Variants in POLR2C observed in about 807,000 individuals in gnomAD.
POLR2C encodes RNA polymerase II subunit C, also known as DNA-directed RNA polymerase II subunit RPB3.
Under a neutral mutation model 41.7 loss-of-function variants are expected in POLR2C, and 36 were observed. That is an observed-to-expected ratio of 0.86 (90% CI 0.66 to 1.14). POLR2C has a LOEUF of 1.14. Among genes scored for constraint, POLR2C ranks in the 50% most tolerant of loss-of-function variants. POLR2C has a pLI of 0.00. For missense variants in POLR2C, 260 were observed against 350.4 expected (o/e 0.74, Z 2.06); for synonymous variants, 133 against 137.8 (o/e 0.96, Z 0.25).
chr16:57,464,441 T>G lies in POLR2C; in HGVS notation c.136+1363T>G, dbSNP rs909271240. Among the ~76,000 whole-genome samples, 15 of 152,306 alleles carry G rather than the reference T, an allele frequency of 9.8e-5. No homozygotes were observed. In the South Asian group the frequency reaches 3.1e-3, roughly 32 times the overall value. ...GGCTCTTAGAGGAGGGAAGATCAAT[T>G]TCTGGTCTGGTTCCAGCCACTCTGC... On this transcript the variant is annotated intron_variant, in intron 2 of 8. Coordinates refer to ENST00000219252, the MANE Select transcript of POLR2C (RefSeq NM_032940.3).
intron 2 of POLR2C, chr16:57,465,655 TCTCATGCAAATACTCAG>T (rs1461528008): frequency 4.2e-4 from 131 of 314,180 alleles, no homozygotes; most frequent in African/African-American, 2.7e-3. Context: ...TTTAAGTGCT[TCTCATGCAAATACTCAG>T]CTCAAATAAA....
chr16:57,466,268 A>C (rs1451957141), intron 4 of POLR2C, 41 bp downstream of exon 4: 1 of 1,381,044 alleles, frequency 7.2e-7, no homozygotes, highest in East Asian at 2.3e-5. Flanking sequence ...TTTGGTGGGG[A>C]GGCTTTGGTT....
intron 2 of POLR2C, among the ~76,000 whole-genome samples, chr16:57,465,192 C>CT (rs2030674989): frequency 6.6e-6 from 1 of 152,102 alleles, no homozygotes; most frequent in Non-Finnish European, 1.5e-5. Flanking sequence ...ACTGGGGAAG[C>CT]AATGGGAAGC....
intron 2 of POLR2C, chr16:57,463,505 C>G (rs906085699): frequency 5.4e-6 from 2 of 371,136 alleles, no homozygotes; most frequent in Non-Finnish European, 1.1e-5. Context: ...GAGCATAGTA[C>G]GCAATAGGTA....
At chr16:57,463,356 C>T (rs1488072469) in intron 2 of POLR2C, 2 of 572,312 alleles carry the variant, frequency 3.5e-6, no homozygotes, top group Admixed American at 6.2e-5. Context: ...ACTGTTTTCA[C>T]TACTATTGTT....
At chr16:57,468,063 G>A (rs1231436053) in intron 4 of POLR2C, among the ~76,000 whole-genome samples, 1 of 152,112 alleles carries the variant, frequency 6.6e-6, no homozygotes, top group East Asian at 1.9e-4. Flanking sequence ...AGGCTAGAGT[G>A]CAGTGGCATG....
chr16:57,462,691 G>A lies in POLR2C; in HGVS notation c.-34G>A. On this transcript the variant is annotated 5_prime_UTR_variant, in exon 1 of 9. Coordinates refer to ENST00000219252, the MANE Select transcript of POLR2C (RefSeq NM_032940.3). ...GCGGTGGCGCCGCGCAGTCACCGCG[G>A]AGCAGACGCGGAGGCTGGTGGCCCC... 6.5e-7 allele frequency: 1 copy of A among 1,529,214 alleles called. No individual in the cohort carries two copies. The highest frequency in any genetic ancestry group is 8.9e-7 in the Non-Finnish European group (1 of 1,121,862). The allele number at this position is 1,529,214 out of a possible 1,614,324, so 94.7% of individuals were successfully genotyped here.
At chr16:57,462,870 C>T in intron 1 of POLR2C, 60 bp downstream of exon 1, 1 of 1,392,992 alleles carries the variant, frequency 7.2e-7, no homozygotes. Flanking sequence ...CAAGCCGGGG[C>T]CCCGGGGCAG....
chr16:57,462,907 G>T, intron 1 of POLR2C, 97 bp downstream of exon 1: 1 of 1,176,728 alleles, frequency 8.5e-7, no homozygotes, highest in African/African-American at 1.5e-5. Flanking sequence ...GGGGTGGGGT[G>T]GGGGCGATGT....
rs1290187469 is a variant in POLR2C, at chr16:57,463,051, G to A, written c.109G>A (p.Val37Ile). Reference sequence around the variant, plus strand: ...CAGGGTGGCCAATTCGATTCGGAGGGTCTTCATCGCTGAGGTTCCCATAAT... The same window carrying A: ...CAGGGTGGCCAATTCGATTCGGAGGATCTTCATCGCTGAGGTTCCCATAAT... ...DLAVANSIRR[V>I]FIAEVPIIAI... The change falls in exon 2 of 9, where the codon GTC becomes ATC. Residue 37 changes from valine (V) to isoleucine (I), a missense_variant. Coordinates refer to ENST00000219252, the MANE Select transcript of POLR2C (RefSeq NM_032940.3). The A allele has an allele frequency of 1.1e-5, 17 of 1,613,114 alleles. No homozygotes were observed. The highest frequency in any genetic ancestry group is 1.4e-5 in the Non-Finnish European group (17 of 1,179,122).
chr16:57,471,015 G>A lies in POLR2C; in HGVS notation c.724G>A (p.Glu242Lys). 1.9e-6 allele frequency: 3 copies of A among 1,613,970 alleles called. No individual in the cohort carries two copies. The highest frequency in any genetic ancestry group is 2.5e-6 in the Non-Finnish European group (3 of 1,179,844). Residue 242 changes from glutamate to lysine, a missense_variant, in exon 9 of 9, where the codon GAA becomes AAA. Coordinates refer to ENST00000219252, the MANE Select transcript of POLR2C (RefSeq NM_032940.3). ...GGAGTCCTGTGGCTCTCTGCGTCCT[G>A]AAACCATTGTCCTGTCAGCCCTCTC... Reference protein sequence around the residue: ...NVESCGSLRPETIVLSALSGL... With the variant: ...NVESCGSLRPKTIVLSALSGL...
At chr16:57,464,738 C>T (rs1200021569) in intron 2 of POLR2C, among the ~76,000 whole-genome samples, 1 of 146,056 alleles carries the variant, frequency 6.8e-6, no homozygotes, top group South Asian at 2.2e-4. Flanking sequence ...CACTTCATGC[C>T]TCTGGACCTC....
Position 57,469,403 on chromosome 16 carries a change from AC to A in POLR2C, c.387+113del, listed in dbSNP as rs533480886. ...TTAGAAAATGTTGGCTTTCCCTGTT[AC>A]CCTCTGCCTTAATCTGATCCCTAGA... On this transcript the variant is annotated intron_variant, in intron 5 of 8. Coordinates refer to ENST00000219252, the MANE Select transcript of POLR2C (RefSeq NM_032940.3). The surrounding 1 kb of genome is among the most constrained non-coding windows in gnomAD (Gnocchi z 5.8). The A allele has an allele frequency of 7.4e-4, 901 of 1,210,876 alleles. 6 individuals are homozygous for A. In the African/African-American group the frequency reaches 9.8e-3, roughly 13 times the overall value. 75.0% of individuals were successfully genotyped at this position (1,210,876 alleles called of 1,614,324 possible). A position where few individuals can be genotyped will look rare whatever the true frequency, so the allele number is the denominator to read the frequency against.
rs372336035 is a variant in POLR2C, at chr16:57,463,076, T to C, written c.134T>C (p.Ile45Thr). The change falls in exon 2 of 9, where the codon ATA becomes ACA. Residue 45 changes from isoleucine (I) to threonine (T), a missense_variant and splice_region_variant. By Grantham distance (89) the Ile-to-Thr change is moderately conservative (BLOSUM62 -1). Coordinates refer to ENST00000219252, the MANE Select transcript of POLR2C (RefSeq NM_032940.3). The part of the protein sequence containing the change: ...RRVFIAEVPI[I>T]AIDWVQIDAN... The stretch of plus-strand genomic sequence containing the variant: ...GTCTTCATCGCTGAGGTTCCCATAA[T>C]AGGTAAGCGACTCCCCTTCCTCGTT... The C allele has an allele frequency of 1.9e-6, 3 of 1,611,292 alleles. No homozygotes were observed. Among genetic ancestry groups the C allele is most frequent in the Non-Finnish European group, 2.5e-6 (3 of 1,177,360 alleles).
chr16:57,463,702 G>A (rs1418721234), intron 2 of POLR2C: 1 of 450,572 alleles, frequency 2.2e-6, no homozygotes, highest in Non-Finnish European at 4.4e-6. Flanking sequence ...CCAGCACTTT[G>A]GGAGGCCAAG....
At chr16:57,463,685 T>G (rs1296050953) in intron 2 of POLR2C, 2 of 452,278 alleles carry the variant, frequency 4.4e-6, no homozygotes, top group Non-Finnish European at 8.9e-6. Flanking sequence ...CGCTCGCGCC[T>G]GTAATTCCAG....
intron 2 of POLR2C, 148 bp downstream of exon 2, chr16:57,463,226 C>A: frequency 1.4e-6 from 1 of 733,576 alleles, no homozygotes; most frequent in Non-Finnish European, 2.4e-6. Flanking sequence ...TGACCATACC[C>A]TGTGCCCTTG....
chr16:57,469,814 C>A lies in POLR2C; in HGVS notation c.439+53C>A. On this transcript the variant is annotated intron_variant, in intron 6 of 8. Transcript: ENST00000219252. The surrounding 1 kb of genome is among the most constrained non-coding windows in gnomAD (Gnocchi z 5.8). Reference sequence around the variant, plus strand: ...GGGCCAGCGGGAAGGAGGGACCAGACACAGCCTCTCGTGCTGCCTGGTCTC... The same window carrying A: ...GGGCCAGCGGGAAGGAGGGACCAGAAACAGCCTCTCGTGCTGCCTGGTCTC... 6.3e-7 allele frequency: 1 copy of A among 1,581,012 alleles called. No individual in the cohort carries two copies. The highest frequency in any genetic ancestry group is 8.7e-7 in the Non-Finnish European group (1 of 1,151,028).
intron 2 of POLR2C, chr16:57,463,818 C>T: frequency 3.1e-6 from 1 of 325,368 alleles, no homozygotes; most frequent in African/African-American, 2.2e-5. Context: ...TGGCTCCCAC[C>T]TGTAATCCCA....
Sources: allele counts gnomAD v4.1 joint callset (sites outside exome capture counted in the v4.1 genomes callset), GRCh38; gene constraint gnomAD v4.1.1; non-coding constraint Gnocchi (gnomAD v3.1); transcripts MANE v1.5; gene names NCBI Gene and HGNC (gene_info 2026-07-23, HGNC 2026-07-21).